Variants in ABCA9 observed in about 807,000 individuals in gnomAD.
ABCA9 encodes ATP binding cassette subfamily A member 9.
In ABCA9, 183 loss-of-function variants were observed where a neutral mutation model predicts 205.3. The observed-to-expected ratio is 0.89, with a 90% CI of 0.79 to 1.01. The LOEUF (loss-of-function observed/expected upper bound fraction) is 1.01, where lower values mean the gene tolerates loss of function less well. ABCA9 is among the 50% of genes least tolerant of loss of function. The pLI is 0.00. For synonymous variants in ABCA9, 651 were observed against 683.3 expected, an observed-to-expected ratio of 0.95 and a Z score of 0.74; for missense variants, 1,805 against 1,912.4, an observed-to-expected ratio of 0.94 and a Z score of 1.05.
At chr17:69,024,867 T>C (rs1260335968) in intron 16 of ABCA9, among the ~76,000 whole-genome samples, 1 of 152,156 alleles carries the variant, frequency 6.6e-6, no homozygotes, top group Non-Finnish European at 1.5e-5. Flanking sequence ...TTTATTCAAG[T>C]GAAATCTGGC....
At chr17:68,976,522 T>C (rs1437024111) in intron 37 of ABCA9, among the ~76,000 whole-genome samples, 1 of 152,182 alleles carries the variant, frequency 6.6e-6, no homozygotes, top group Non-Finnish European at 1.5e-5. Flanking sequence ...TCTTGTCTAC[T>C]CCAAAGGCTG....
chr17:69,060,599 ATT>A (rs10615840), intron 1 of ABCA9, among the ~76,000 whole-genome samples: 8,997 of 152,242 alleles, frequency 0.059, 651 homozygotes, highest in African/African-American at 0.16. Context: ...ATAACGTGAC[ATT>A]TCTTTTGATT....
the ABCA9 span, among the ~76,000 whole-genome samples, chr17:69,069,352 G>A: frequency 3.3e-5 from 5 of 152,222 alleles, no homozygotes; most frequent in South Asian, 8.3e-4. Flanking sequence ...GCCTGCAGCC[G>A]GGGGAGACAT....
chr17:69,050,995 C>T, intron 2 of ABCA9, 36 bp downstream of exon 2: 2 of 1,579,454 alleles, frequency 1.3e-6, no homozygotes, highest in Non-Finnish European at 1.7e-6. Flanking sequence ...CTTTTTCATC[C>T]TCTAAATATG....
At chr17:69,025,352 C>T (rs577574807) in intron 16 of ABCA9, among the ~76,000 whole-genome samples, 3 of 152,096 alleles carry the variant, frequency 2.0e-5, no homozygotes, top group Admixed American at 2.0e-4. Flanking sequence ...GTGCTTTCAG[C>T]GTTCCAGAAA....
In ABCA9 at chr17:69,048,431, C is replaced by T. The variant is rs187944999; in HGVS notation, c.304+852G>A. Reference sequence around the variant, plus strand: ...ACTTGACGAAAGCATGGACTTACGCCACATTGGCTGCTGAGTTCTTTTGGC... The same window carrying T: ...ACTTGACGAAAGCATGGACTTACGCTACATTGGCTGCTGAGTTCTTTTGGC... On this transcript the variant is annotated intron_variant, in intron 3 of 38. Coordinates refer to ENST00000340001, the MANE Select transcript of ABCA9 (RefSeq NM_080283.4). Among the ~76,000 whole-genome samples, 6 of 152,240 alleles carry T rather than the reference C, an allele frequency of 3.9e-5. No individual in the cohort carries two copies. In the East Asian group the frequency reaches 1.2e-3, roughly 29 times the overall value.
At chr17:69,032,386 T>A (rs2071182685) in intron 9 of ABCA9, 110 bp from the exon 10 acceptor site, 3 of 991,474 alleles carry the variant, frequency 3.0e-6, no homozygotes, top group Non-Finnish European at 4.4e-6. Flanking sequence ...ATTATCATAT[T>A]AAGGTCTGTA....
intron 12 of ABCA9, 44 bp from the exon 13 acceptor site, chr17:69,027,859 T>C (rs1402686825): frequency 1.4e-6 from 2 of 1,453,852 alleles, no homozygotes; most frequent in Admixed American, 2.2e-5. Context: ...AAATGTGTCA[T>C]GCTTCATTGA....
At chr17:68,982,671 C>G in intron 36 of ABCA9, 30 bp from the exon 37 acceptor site, 3 of 1,583,100 alleles carry the variant, frequency 1.9e-6, no homozygotes, top group Non-Finnish European at 2.6e-6. Context: ...AGGCTGAACT[C>G]CAGGTGTCAA....
chr17:69,029,069 C>T, intron 11 of ABCA9, 100 bp downstream of exon 11: 1 of 595,028 alleles, frequency 1.7e-6, no homozygotes, highest in Non-Finnish European at 2.8e-6. Context: ...AAAGGAGAGA[C>T]ATATCTGGAA....
Position 68,992,177 on chromosome 17 carries a change from G to A in ABCA9, c.3714C>T (p.Phe1238=). 6.4e-7 allele frequency: 1 copy of A among 1,572,900 alleles called. No individual in the cohort carries two copies. Among genetic ancestry groups the A allele is most frequent in the Non-Finnish European group, 8.6e-7 (1 of 1,157,554 alleles). The part of the protein sequence containing the change: ...RKKLMRKDPV[F]RISPRSNAIF... The stretch of plus-strand genomic sequence containing the variant: ...AAATTCGATTTGATTTTCTCAACCT[G>A]AACACAGGATCCTTTCTCATTAGTT... The change falls in exon 28 of 39, where the codon TTC becomes TTT. Residue 1238 remains phenylalanine, a splice_region_variant and synonymous_variant. Transcript: ENST00000340001.
In ABCA9 at chr17:69,018,393, C is replaced by T. The variant is rs1490822243; in HGVS notation, c.2767+20G>A. ...CAACAAGAACAACATTTAACAGCTGCATTTCAGCCCCATGTTCACCTGTCT... is the reference window on the plus strand; with the variant it reads ...CAACAAGAACAACATTTAACAGCTGTATTTCAGCCCCATGTTCACCTGTCT... On this transcript the variant is annotated intron_variant, in intron 20 of 38. Coordinates refer to ENST00000340001, the MANE Select transcript of ABCA9 (RefSeq NM_080283.4). 1.3e-6 allele frequency: 2 copies of T among 1,505,340 alleles called. No homozygotes were observed. The highest frequency in any genetic ancestry group is 2.4e-5 in the Admixed American group (1 of 40,828). The allele number at this position is 1,505,340 out of a possible 1,614,324, so 93.2% of individuals were successfully genotyped here.
At chr17:69,020,258 T>A in intron 19 of ABCA9, 130 bp downstream of exon 19, 1 of 851,526 alleles carries the variant, frequency 1.2e-6, no homozygotes, top group Non-Finnish European at 1.8e-6. Context: ...AATTAAAAAA[T>A]GATTTCTTTG....
intron 26 of ABCA9, among the ~76,000 whole-genome samples, chr17:68,995,085 A>G (rs985168029): frequency 5.3e-5 from 8 of 152,198 alleles, no homozygotes; most frequent in Non-Finnish European, 1.2e-4. Context: ...TGTGAAGCTC[A>G]CCAATGACGT....
chr17:69,028,481 A>C lies in ABCA9; in HGVS notation c.1615+54T>G. 6 of 1,246,264 alleles carry C rather than the reference A, an allele frequency of 4.8e-6. No homozygotes were observed. The South Asian group carries it at 8.5e-5, about 18-fold the overall frequency. The allele number at this position is 1,246,264 out of a possible 1,614,324, so 77.2% of individuals were successfully genotyped here. A position where few individuals can be genotyped will look rare whatever the true frequency, so the allele number is the denominator to read the frequency against. The stretch of plus-strand genomic sequence containing the variant: ...TGCCCAGCCCCAGTTAAATAATTAA[A>C]TGCATATTAATGTGTTTGTCCAGGT... On this transcript the variant is annotated intron_variant, in intron 12 of 38. Transcript: ENST00000340001.
intron 21 of ABCA9, among the ~76,000 whole-genome samples, chr17:69,016,853 C>CGTGT (rs142446139): frequency 1.5e-4 from 23 of 150,976 alleles, no homozygotes; most frequent in East Asian, 3.9e-4. Context: ...CTTAAAATAA[C>CGTGT]GTGTGTGTGT....
At chr17:68,992,107 G>T in intron 28 of ABCA9, 68 bp downstream of exon 28, 1 of 1,081,436 alleles carries the variant, frequency 9.2e-7, no homozygotes, top group Non-Finnish European at 1.3e-6. Context: ...AATTAATTCA[G>T]CACATTAAAA....
chr17:69,075,714 G>A, the ABCA9 span, among the ~76,000 whole-genome samples: 5 of 151,750 alleles, frequency 3.3e-5, no homozygotes, highest in Admixed American at 2.6e-4. Flanking sequence ...TGGTTGTTTC[G>A]GCCATTCAGG....
Position 69,021,864 on chromosome 17 carries a change from A to G in ABCA9, c.2282-3T>C. The G allele has an allele frequency of 6.9e-7, 1 of 1,443,356 alleles. No individual in the cohort carries two copies. The allele number at this position is 1,443,356 out of a possible 1,614,324, so 89.4% of individuals were successfully genotyped here. Reference sequence around the variant, plus strand: ...TCTATCAAGATCCCTGTAAAGTTCTAAAAGTGGATACAAAAACAGATTATA... The same window carrying G: ...TCTATCAAGATCCCTGTAAAGTTCTGAAAGTGGATACAAAAACAGATTATA... On this transcript the variant is annotated splice_region_variant and splice_polypyrimidine_tract_variant and intron_variant, in intron 17 of 38. Coordinates refer to ENST00000340001, the MANE Select transcript of ABCA9 (RefSeq NM_080283.4).
Sources: gnomAD v4.1 joint callset for allele counts (sites outside exome capture counted in the v4.1 genomes callset) on GRCh38, gnomAD v4.1.1 for gene constraint, MANE v1.5 for transcripts, NCBI Gene and HGNC (gene_info 2026-07-23, HGNC 2026-07-21) for gene names.